NRXN3: variants seen among roughly 807,000 people sequenced by gnomAD.
NRXN3 encodes neurexin III.
NRXN3 carries 32 observed loss-of-function variants against 137.6 expected under a neutral mutation model. The observed-to-expected ratio is 0.23, with a 90% CI of 0.18 to 0.31. The LOEUF is 0.31. Ranked by LOEUF, NRXN3 falls within the 10% of genes least tolerant of loss-of-function variation. The pLI, the probability that NRXN3 is intolerant of heterozygous loss-of-function variation, is 1.00. For missense variants in NRXN3, 1,574 were observed against 2,062.5 expected, an observed-to-expected ratio of 0.76 and a Z score of 4.59; for synonymous variants, 798 against 784.5, an observed-to-expected ratio of 1.02 and a Z score of -0.29.
At chr14:79,067,567 A>G (rs2099682343) in intron 15 of NRXN3, among the ~76,000 whole-genome samples, 1 of 152,090 alleles carries the variant, frequency 6.6e-6, no homozygotes, top group Admixed American at 6.6e-5. Context: ...TACCTCTGGT[A>G]GAATTCAGCT....
intron 4 of NRXN3, among the ~76,000 whole-genome samples, chr14:78,476,219 A>G (rs549966148): frequency 1.4e-4 from 21 of 152,360 alleles, no homozygotes; most frequent in Non-Finnish European, 2.8e-4. Context: ...TTAGGCCAGG[A>G]AAAAGACTAT....
At position 79,113,876 on chromosome 14, in the gene NRXN3, G is replaced by A. The variant is rs182001194; in HGVS notation, c.3262+125735G>A. Among the ~76,000 whole-genome samples the A allele has an allele frequency of 3.9e-5, 6 of 152,220 alleles. No homozygotes were observed. The South Asian group carries it at 6.2e-4, about 16-fold the overall frequency. ...AACACCCAGAGTTCCTAATTCCGTC[G>A]GGCTAGGATGTAGACTGAGGATTTG... On this transcript the variant is annotated intron_variant, in intron 15 of 20. Coordinates refer to ENST00000335750, the MANE Select transcript of NRXN3 (RefSeq NM_001330195.2).
chr14:79,470,782 G>T (rs2096489545), intron 16 of NRXN3, among the ~76,000 whole-genome samples: 1 of 152,020 alleles, frequency 6.6e-6, no homozygotes, highest in Admixed American at 6.6e-5. Flanking sequence ...GTACTTTGGT[G>T]CTACTTGTGA....
intron 15 of NRXN3, among the ~76,000 whole-genome samples, chr14:79,460,132 T>C (rs1006094863): frequency 1.3e-5 from 2 of 152,296 alleles, no homozygotes; most frequent in South Asian, 4.1e-4. Flanking sequence ...TGCGTGTGTA[T>C]TTTAGTCAAA....
At chr14:78,589,385 C>T (rs2097095998) in intron 4 of NRXN3, among the ~76,000 whole-genome samples, 1 of 152,180 alleles carries the variant, frequency 6.6e-6, no homozygotes, top group South Asian at 2.1e-4. Context: ...GACTTCTGTG[C>T]ACTTCCAGCC....
intron 6 of NRXN3, among the ~76,000 whole-genome samples, chr14:78,687,175 A>G (rs182391291): frequency 6.6e-6 from 1 of 152,324 alleles, no homozygotes; most frequent in East Asian, 1.9e-4. Context: ...AGGGAAGGTC[A>G]AGTTATATAA....
Position 79,615,208 on chromosome 14 carries a change from A to G in NRXN3, c.3445-48570A>G, listed in dbSNP as rs144816963. On this transcript the variant is annotated intron_variant, in intron 16 of 20. Coordinates refer to ENST00000335750, the MANE Select transcript of NRXN3 (RefSeq NM_001330195.2). ...CTCTCAAGGAGCTTAGAGAATATGTACACGGGAAGACAAAAATTAAAGAAA... is the reference window on the plus strand; with the variant it reads ...CTCTCAAGGAGCTTAGAGAATATGTGCACGGGAAGACAAAAATTAAAGAAA... Among the ~76,000 whole-genome samples the G allele has an allele frequency of 7.5e-4, 114 of 152,346 alleles. 2 individuals carry two copies. The highest frequency in any genetic ancestry group is 3.4e-3 in the Middle Eastern group (1 of 294).
intron 4 of NRXN3, among the ~76,000 whole-genome samples, chr14:78,624,012 ATAGGG>A (rs1258693854): frequency 6.6e-6 from 1 of 152,242 alleles, no homozygotes; most frequent in Non-Finnish European, 1.5e-5. Flanking sequence ...GCTCCTGGTT[ATAGGG>A]TTTGTTACCC....
chr14:78,792,752 C>T (rs2098809459), intron 8 of NRXN3, among the ~76,000 whole-genome samples: 1 of 152,132 alleles, frequency 6.6e-6, no homozygotes, highest in African/African-American at 2.4e-5. Flanking sequence ...AATCTCATTA[C>T]ACAAAACAAT....
At chr14:78,622,027 T>C (rs141599074) in intron 4 of NRXN3, among the ~76,000 whole-genome samples, 186 of 152,300 alleles carry the variant, frequency 1.2e-3, no homozygotes, top group African/African-American at 4.2e-3. Context: ...TGCTAAGACA[T>C]TGGTTCTGTC....
At chr14:79,132,992 T>C (rs142506853) in intron 15 of NRXN3, among the ~76,000 whole-genome samples, 42 of 152,294 alleles carry the variant, frequency 2.8e-4, no homozygotes, top group East Asian at 1.2e-3. Context: ...AGCATGATCT[T>C]AGGCAAGATG....
intron 15 of NRXN3, among the ~76,000 whole-genome samples, chr14:79,050,428 T>G (rs780502149): frequency 6.6e-6 from 1 of 152,194 alleles, no homozygotes; most frequent in East Asian, 1.9e-4. Context: ...CTTTTTATAT[T>G]GACAACAGCA....
intron 4 of NRXN3, among the ~76,000 whole-genome samples, chr14:78,308,134 G>A (rs186099201): frequency 1.3e-5 from 2 of 151,740 alleles, no homozygotes; most frequent in Admixed American, 1.3e-4. Context: ...AAATTTGTTC[G>A]ACTAAAGAGC....
intron 4 of NRXN3, among the ~76,000 whole-genome samples, chr14:78,572,738 T>G (rs1384297133): frequency 6.6e-6 from 1 of 152,234 alleles, no homozygotes; most frequent in Non-Finnish European, 1.5e-5. Flanking sequence ...CAACTATATT[T>G]TACATTTTTT....
At chr14:79,487,326 A>G (rs1329624871) in intron 16 of NRXN3, among the ~76,000 whole-genome samples, 1 of 152,044 alleles carries the variant, frequency 6.6e-6, no homozygotes, top group Non-Finnish European at 1.5e-5. Flanking sequence ...TTCATTTTGT[A>G]ACATGTTCTT....
chr14:78,797,886 G>A (rs933961567), intron 8 of NRXN3, among the ~76,000 whole-genome samples: 10 of 152,148 alleles, frequency 6.6e-5, no homozygotes, highest in African/African-American at 2.4e-4. Context: ...CAGATTTTGT[G>A]AGACTTATTC....
chr14:79,326,925 A>G (rs1250156397), intron 15 of NRXN3, among the ~76,000 whole-genome samples: 1 of 152,166 alleles, frequency 6.6e-6, no homozygotes, highest in Non-Finnish European at 1.5e-5. Context: ...CCCCATCCTC[A>G]ATGTCCTCCA....
At chr14:79,322,246 A>G (rs1301570469) in intron 15 of NRXN3, among the ~76,000 whole-genome samples, 1 of 152,198 alleles carries the variant, frequency 6.6e-6, no homozygotes, top group Non-Finnish European at 1.5e-5. Flanking sequence ...AGTTTTCTAA[A>G]TCCTTCATGT....
At chr14:79,467,432 T>G in intron 16 of NRXN3, 30 bp downstream of exon 16, 1 of 1,551,296 alleles carries the variant, frequency 6.4e-7, no homozygotes, top group Non-Finnish European at 8.8e-7. Context: ...CTGGATTTTC[T>G]TATGTTACTG....
Sources: allele counts gnomAD v4.1 joint callset (sites outside exome capture counted in the v4.1 genomes callset), GRCh38; gene constraint gnomAD v4.1.1; transcripts MANE v1.5; gene names NCBI Gene and HGNC (gene_info 2026-07-23, HGNC 2026-07-21).